WNT7B: variants seen among roughly 807,000 people sequenced by gnomAD.
WNT7B encodes the protein protein Wnt-7b.
In WNT7B, 19 loss-of-function variants were observed where a neutral mutation model predicts 38.2. The observed-to-expected ratio is 0.50, with a 90% CI of 0.35 to 0.73. The LOEUF (loss-of-function observed/expected upper bound fraction) is 0.73, where lower values mean the gene tolerates loss of function less well. WNT7B is among the 30% of genes least tolerant of loss of function. WNT7B has a pLI of 0.01. For missense variants in WNT7B, 423 were observed against 507.9 expected, an observed-to-expected ratio of 0.83 and a Z score of 1.61; for synonymous variants, 243 against 209.3, an observed-to-expected ratio of 1.16 and a Z score of -1.39.
chr22:45,939,026 C>A (rs1000554165), intron 2 of WNT7B, among the ~76,000 whole-genome samples: 1 of 152,218 alleles, frequency 6.6e-6, no homozygotes, highest in Non-Finnish European at 1.5e-5. Context: ...CATTAGCTGT[C>A]AAGGAAATGC....
rs567742957 is a variant in WNT7B, at chr22:45,950,579, T to C, written c.72-433A>G. Among the ~76,000 whole-genome samples, 7 of 152,346 alleles carry C rather than the reference T, an allele frequency of 4.6e-5. No homozygotes were observed. The South Asian group carries it at 8.3e-4, about 18-fold the overall frequency. On this transcript the variant is annotated intron_variant, in intron 1 of 3. Coordinates refer to ENST00000339464, the MANE Select transcript of WNT7B (RefSeq NM_058238.3). ...ACCAATGGGGCTTTCCCCTCATTTA[T>C]AAATTCCCCGATGGCCCCTCCATGG...
intron 2 of WNT7B, among the ~76,000 whole-genome samples, chr22:45,948,273 G>A (rs1931844428): frequency 6.6e-6 from 1 of 152,204 alleles, no homozygotes; most frequent in African/African-American, 2.4e-5. Flanking sequence ...CCTCCCCACT[G>A]GGGTGGATGG....
intron 1 of WNT7B, among the ~76,000 whole-genome samples, chr22:45,971,175 G>C (rs113073796): frequency 2.6e-5 from 4 of 151,694 alleles, no homozygotes; most frequent in South Asian, 2.1e-4. Context: ...CGCAGGGAGC[G>C]GGAAGGCAGC....
At chr22:45,935,776 A>G in intron 2 of WNT7B, 1 of 979,310 alleles carries the variant, frequency 1.0e-6, no homozygotes. Context: ...ACAGATGGGA[A>G]AACCGAGCCT....
chr22:45,953,316 CGCTTCCCCTCACAGTCACCATGTCCCCA>C (rs1175873219), intron 1 of WNT7B, among the ~76,000 whole-genome samples: 12 of 149,960 alleles, frequency 8.0e-5, no homozygotes, highest in African/African-American at 1.7e-4. Context: ...GTCCATGCCC[CGCTTCCCCTCACAGTCACCATGTCCCCA>C]GCTTCCCCTC....
Position 45,954,261 on chromosome 22 carries a change from C to T in WNT7B, c.72-4115G>A, listed in dbSNP as rs4074028. On this transcript the variant is annotated intron_variant, in intron 1 of 3. Coordinates refer to ENST00000339464, the MANE Select transcript of WNT7B (RefSeq NM_058238.3). ...TGATTGCCAGGGCTGGGAAGGGGAA[C>T]GGGGAACAGGGAGTGGCTGCCTAAT... Among the ~76,000 whole-genome samples the T allele has an allele frequency of 8.7e-3, 1,319 of 151,936 alleles. 20 individuals carry two copies. The highest frequency in any genetic ancestry group is 0.03 in the African/African-American group (1,250 of 41,440).
At chr22:45,931,049 G>A in intron 3 of WNT7B, 49 bp downstream of exon 3, 3 of 1,517,692 alleles carry the variant, frequency 2.0e-6, no homozygotes, top group Non-Finnish European at 2.6e-6. Context: ...GTCAGCGGGT[G>A]ATACAGCGGT....
At chr22:45,933,162 T>G (rs1339852156) in intron 2 of WNT7B, among the ~76,000 whole-genome samples, 1 of 152,172 alleles carries the variant, frequency 6.6e-6, no homozygotes, top group Non-Finnish European at 1.5e-5. Context: ...GTAGGCTGTC[T>G]GTCTGCCGTC....
intron 3 of WNT7B, chr22:45,927,606 T>C (rs1265299429): frequency 3.3e-6 from 3 of 917,800 alleles, no homozygotes; most frequent in Non-Finnish European, 5.3e-6. Flanking sequence ...ATATAAGAGA[T>C]GGAACAGGGC....
At chr22:45,964,905 G>A (rs1307169732) in intron 1 of WNT7B, among the ~76,000 whole-genome samples, 1 of 152,230 alleles carries the variant, frequency 6.6e-6, no homozygotes, top group East Asian at 1.9e-4. Context: ...CCTCTCCTCA[G>A]CCCTGGAGTG....
At chr22:45,957,682 C>CAAAAAAAAAAAAAAAAAAAAA (rs367797133) in intron 1 of WNT7B, among the ~76,000 whole-genome samples, 2 of 36,014 alleles carry the variant, frequency 5.6e-5, no homozygotes, top group African/African-American at 9.6e-5. Flanking sequence ...GACTCCGTCT[C>CAAAAAAAAAAAAAAAAAAAAA]AAAAAAAAAA....
intron 3 of WNT7B, chr22:45,926,873 C>T: frequency 1.0e-6 from 1 of 985,432 alleles, no homozygotes; most frequent in African/African-American, 1.7e-5. Flanking sequence ...ATCCGGCGCT[C>T]CCATTAGGAC....
Position 45,976,458 on chromosome 22 carries a change from C to T in WNT7B, c.71+226G>A, listed in dbSNP as rs1395584643. 6.6e-6 allele frequency among the ~76,000 whole-genome samples: 1 copy of T among 151,992 alleles called. No homozygotes were observed. The highest frequency in any genetic ancestry group is 1.5e-5 in the Non-Finnish European group (1 of 67,976). On this transcript the variant is annotated intron_variant, in intron 1 of 3. Coordinates refer to ENST00000339464, the MANE Select transcript of WNT7B (RefSeq NM_058238.3). The surrounding 1 kb of genome is among the most constrained non-coding windows in gnomAD (Gnocchi z 8.5). Reference sequence around the variant, plus strand: ...AGCCCGGCCGGACCGCCCGCGCGCCCCGCTCTCTCTCCTCCCGCGCTGGGC... The same window carrying T: ...AGCCCGGCCGGACCGCCCGCGCGCCTCGCTCTCTCTCCTCCCGCGCTGGGC...
chr22:45,960,663 G>A (rs981572454), intron 1 of WNT7B, among the ~76,000 whole-genome samples: 1 of 152,248 alleles, frequency 6.6e-6, no homozygotes, highest in African/African-American at 2.4e-5. Flanking sequence ...GGCATCTTCT[G>A]GCAAAAATAT....
At chr22:45,933,477 A>C (rs1407400176) in intron 2 of WNT7B, among the ~76,000 whole-genome samples, 2 of 152,076 alleles carry the variant, frequency 1.3e-5, no homozygotes, top group African/African-American at 4.8e-5. Flanking sequence ...TGAGGTGTGA[A>C]GTGGGGTATT....
In WNT7B at chr22:45,933,049, G is replaced by A. The variant is rs548837295; in HGVS notation, c.299-1680C>T. 2.6e-5 allele frequency among the ~76,000 whole-genome samples: 4 copies of A among 152,318 alleles called. No homozygotes were observed. In the South Asian group the frequency reaches 6.2e-4, roughly 24 times the overall value. On this transcript the variant is annotated intron_variant, in intron 2 of 3. Transcript: ENST00000339464. ...CTCTGGGGCCACTTCCTTGCCCGCAGCCTGCTGGGGGCTCAGCCAGGTGGG... is the reference window on the plus strand; with the variant it reads ...CTCTGGGGCCACTTCCTTGCCCGCAACCTGCTGGGGGCTCAGCCAGGTGGG...
rs1164720481 is a variant in WNT7B, at chr22:45,976,179, T to C, written c.71+505A>G. 6.9e-6 allele frequency among the ~76,000 whole-genome samples: 1 copy of C among 145,514 alleles called. No individual in the cohort carries two copies. The highest frequency in any genetic ancestry group is 1.5e-5 in the Non-Finnish European group (1 of 65,426). On this transcript the variant is annotated intron_variant, in intron 1 of 3. Transcript: ENST00000339464. The surrounding 1 kb of genome is among the most constrained non-coding windows in gnomAD (Gnocchi z 8.5). ...AGGTAATTTCAACACGTCTGGGTGATGGATAGAGACGAAGGGCCGCGGCGG... is the reference window on the plus strand; with the variant it reads ...AGGTAATTTCAACACGTCTGGGTGACGGATAGAGACGAAGGGCCGCGGCGG...
chr22:45,971,678 G>A (rs1443839319), intron 1 of WNT7B, among the ~76,000 whole-genome samples: 1 of 152,228 alleles, frequency 6.6e-6, no homozygotes, highest in African/African-American at 2.4e-5. Flanking sequence ...GCGCTGTCCG[G>A]TGAAGCGCGG....
At chr22:45,927,484 C>T (rs556745807) in intron 3 of WNT7B, 144 of 1,549,942 alleles carry the variant, frequency 9.3e-5, no homozygotes, top group African/African-American at 3.4e-4. Context: ...CTCAGAGCCT[C>T]GGCAAGTGAC....
Sources: allele counts gnomAD v4.1 joint callset (sites outside exome capture counted in the v4.1 genomes callset), GRCh38; gene constraint gnomAD v4.1.1; non-coding constraint Gnocchi (gnomAD v3.1); transcripts MANE v1.5; gene names NCBI Gene and HGNC (gene_info 2026-07-23, HGNC 2026-07-21).